Variants in RECQL observed in about 807,000 individuals in gnomAD.
The protein encoded by RECQL is RecQ like helicase.
In RECQL, 73 loss-of-function variants were observed where a neutral mutation model predicts 75.8. The ratio of observed to expected loss-of-function variants is 0.96; its 90% confidence interval spans 0.80 to 1.17. RECQL has a LOEUF of 1.17. Ranked by LOEUF, RECQL falls within the 50% of genes most tolerant of loss-of-function variation. The pLI is 0.00. For missense variants in RECQL, 699 were observed against 772.1 expected, an observed-to-expected ratio of 0.91 and a Z score of 1.12; for synonymous variants, 248 against 254.4, an observed-to-expected ratio of 0.97 and a Z score of 0.24.
At chr12:21,471,248 A>G in intron 13 of RECQL, 150 bp from the exon 14 acceptor site, 9 of 1,025,420 alleles carry the variant, frequency 8.8e-6, no homozygotes, top group Non-Finnish European at 1.2e-5. Flanking sequence ...CCTTTAAAGA[A>G]AATATTTTCG....
rs772368757 is a variant in RECQL, at chr12:21,491,469, A to T, written c.214+50T>A. Reference sequence around the variant, plus strand: ...CATCAAGAATTCATTCTAGTTTTTTAAAATATGAGAAGAAATAAAACTAGC... The same window carrying T: ...CATCAAGAATTCATTCTAGTTTTTTTAAATATGAGAAGAAATAAAACTAGC... On this transcript the variant is annotated intron_variant, in intron 3 of 14. Transcript: ENST00000444129. 19 of 1,508,944 alleles carry T rather than the reference A, an allele frequency of 1.3e-5. No homozygotes were observed. In the African/African-American group the frequency reaches 2.0e-4, roughly 16 times the overall value. The allele number at this position is 1,508,944 out of a possible 1,614,324, so 93.5% of individuals were successfully genotyped here.
intron 2 of RECQL, among the ~76,000 whole-genome samples, chr12:21,496,627 T>C (rs1165918782): frequency 1.3e-5 from 2 of 152,182 alleles, no homozygotes; most frequent in Non-Finnish European, 2.9e-5. Context: ...TGCCAGAGGA[T>C]AGAAGATAAA....
Position 21,490,278 on chromosome 12 carries a change from A to C in RECQL, c.315T>G (p.Ala105=), listed in dbSNP as rs1290859177. ...LQLETINVTM[A]GKEVFLVMPT... ...GCATAACAAGAAATACCTCCTTTCC[A>C]GCCATTGTTACGTTAATAGTTTCAA... Residue 105 remains alanine, a synonymous_variant, in exon 4 of 15, where the codon GCT becomes GCG. Coordinates refer to ENST00000444129, the MANE Select transcript of RECQL (RefSeq NM_002907.4). 14 of 1,612,878 alleles carry C rather than the reference A, an allele frequency of 8.7e-6. No individual in the cohort carries two copies. The East Asian group carries it at 2.7e-4, about 31-fold the overall frequency.
chr12:21,471,904 A>G (rs773155047), intron 12 of RECQL, among the ~76,000 whole-genome samples: 1 of 152,112 alleles, frequency 6.6e-6, no homozygotes, highest in Non-Finnish European at 1.5e-5. Flanking sequence ...AAGCCCTGCC[A>G]TATACTCTAG....
intron 7 of RECQL, among the ~76,000 whole-genome samples, chr12:21,477,584 G>A (rs1037409233): frequency 6.6e-6 from 1 of 152,148 alleles, no homozygotes; most frequent in Non-Finnish European, 1.5e-5. Context: ...TTTATAAAAA[G>A]TATCACCTAG....
intron 2 of RECQL, 111 bp downstream of exon 2, chr12:21,499,444 A>G: frequency 9.8e-7 from 1 of 1,024,382 alleles, no homozygotes; most frequent in African/African-American, 1.6e-5. Context: ...TCAATAAAAA[A>G]GCTGAAAAAA....
intron 6 of RECQL, among the ~76,000 whole-genome samples, chr12:21,480,067 A>G (rs1302116578): frequency 6.6e-6 from 1 of 152,204 alleles, no homozygotes; most frequent in Non-Finnish European, 1.5e-5. Flanking sequence ...CAAAGAGTAA[A>G]CCAATAAATA....
rs1943366015 is a variant in RECQL at position 21,489,376 on chromosome 12, CT to C, written c.394+822del. Among the ~76,000 whole-genome samples the C allele has an allele frequency of 3.1e-5, 4 of 128,882 alleles. No homozygotes were observed. The Admixed American group carries it at 3.1e-4, about 10-fold the overall frequency. 84.6% of individuals were successfully genotyped at this position (128,882 alleles called of 152,430 possible). A position where few individuals can be genotyped will look rare whatever the true frequency, so the allele number is the denominator to read the frequency against. ...CAAGAAAAAGCTTGCTGATCCCTTG[CT>C]ACTACCCAATCAGTAATATCAGTAG... On this transcript the variant is annotated intron_variant, in intron 4 of 14. Coordinates refer to ENST00000444129, the MANE Select transcript of RECQL (RefSeq NM_002907.4).
chr12:21,499,666 T>A lies in RECQL; in HGVS notation c.-45-51A>T, dbSNP rs1943569968. 11 of 931,932 alleles carry A rather than the reference T, an allele frequency of 1.2e-5. No individual in the cohort carries two copies. In the South Asian group the frequency reaches 1.6e-4, roughly 14 times the overall value. The allele number at this position is 931,932 out of a possible 1,614,324, so 57.7% of individuals were successfully genotyped here. A position where few individuals can be genotyped will look rare whatever the true frequency, so the allele number is the denominator to read the frequency against. On this transcript the variant is annotated intron_variant, in intron 1 of 14. Transcript: ENST00000444129. ...AACAAGTTTTTAAAAATAGTACTAT[T>A]AATGATGTTCACTCAACAGTAATCT...
At position 21,473,550 on chromosome 12, in the gene RECQL, C is replaced by CCACT; in HGVS notation, c.1444_1447dup (p.Ala483GlufsTer4). 7 of 1,610,376 alleles carry CCACT rather than the reference C, an allele frequency of 4.3e-6. No homozygotes were observed. The South Asian group carries it at 7.7e-5, about 18-fold the overall frequency. ...AAAGGTTTACAAAACAACAAACTCA[C>CCACT]CACTGTCTTTACAGCAGTTATCGCA... On this transcript the variant is annotated frameshift_variant and splice_region_variant. Coordinates refer to ENST00000444129, the MANE Select transcript of RECQL (RefSeq NM_002907.4). LOFTEE classifies it high-confidence loss of function.
At chr12:21,491,374 A>C in intron 3 of RECQL, 145 bp downstream of exon 3, 1 of 705,364 alleles carries the variant, frequency 1.4e-6, no homozygotes. Context: ...AGAATGATCC[A>C]CCTGCAAGTT....
intron 4 of RECQL, 26 bp from the exon 5 acceptor site, chr12:21,486,611 A>G: frequency 6.9e-7 from 1 of 1,455,476 alleles, no homozygotes; most frequent in Non-Finnish European, 9.3e-7. Context: ...AAAAAAATCT[A>G]CCTTAAACTT....
chr12:21,472,469 C>T (rs551836632), intron 12 of RECQL, among the ~76,000 whole-genome samples: 11 of 151,824 alleles, frequency 7.2e-5, no homozygotes, highest in Middle Eastern at 3.4e-3. Context: ...TGCTCACTAG[C>T]GGTATTTATA....
intron 2 of RECQL, among the ~76,000 whole-genome samples, chr12:21,496,259 AGCCAT>A (rs1383925653): frequency 1.3e-5 from 2 of 152,252 alleles, no homozygotes; most frequent in African/African-American, 4.8e-5. Context: ...CTCCAACAGC[AGCCAT>A]GGTTCCAGCT....
At chr12:21,500,366 C>T (rs866466942) in intron 1 of RECQL, among the ~76,000 whole-genome samples, 1 of 152,076 alleles carries the variant, frequency 6.6e-6, no homozygotes, top group Non-Finnish European at 1.5e-5. Context: ...TTTAAATTCC[C>T]CATAATCCTA....
At position 21,473,544 on chromosome 12, in the gene RECQL, AACTC is replaced by A. The variant is rs1235119051; in HGVS notation, c.1447+3_1447+6del. 5 of 1,609,184 alleles carry A rather than the reference AACTC, an allele frequency of 3.1e-6. No individual in the cohort carries two copies. Among genetic ancestry groups the A allele is most frequent in the Non-Finnish European group, 4.3e-6 (5 of 1,176,148 alleles). On this transcript the variant is annotated splice_donor_5th_base_variant and intron_variant, in intron 12 of 14. Transcript: ENST00000444129. ...GCCTATAAAGGTTTACAAAACAACA[AACTC>A]ACCACTGTCTTTACAGCAGTTATCG...
In RECQL at chr12:21,476,867, T is replaced by G. The variant is rs762227405; in HGVS notation, c.949+44A>C. ...ATCAATATGATATGAAGTCACTTTTTGAAAGTTATCTCTGTCTCCAAAGTT... is the reference window on the plus strand; with the variant it reads ...ATCAATATGATATGAAGTCACTTTTGGAAAGTTATCTCTGTCTCCAAAGTT... On this transcript the variant is annotated intron_variant, in intron 8 of 14. Transcript: ENST00000444129. 4.8e-5 allele frequency: 67 copies of G among 1,381,930 alleles called. 1 individual carries two copies. The South Asian group carries it at 7.6e-4, about 16-fold the overall frequency. The allele number at this position is 1,381,930 out of a possible 1,614,324, so 85.6% of individuals were successfully genotyped here. A position where few individuals can be genotyped will look rare whatever the true frequency, so the allele number is the denominator to read the frequency against.
At chr12:21,473,751 T>A (rs1943029947) in intron 11 of RECQL, 109 bp from the exon 12 acceptor site, 2 of 813,426 alleles carry the variant, frequency 2.5e-6, no homozygotes, top group Admixed American at 2.5e-5. Context: ...ATAACTGCCA[T>A]AATATTACCA....
In RECQL at chr12:21,469,254, C is replaced by A. The variant is rs1942866199; in HGVS notation, c.*940G>T. 1 of 155,876 alleles carries A rather than the reference C, an allele frequency of 6.4e-6. No homozygotes were observed. The allele number at this position is 155,876 out of a possible 1,614,324, so 9.7% of individuals were successfully genotyped here. On this transcript the variant is annotated 3_prime_UTR_variant, in exon 15 of 15. Coordinates refer to ENST00000444129, the MANE Select transcript of RECQL (RefSeq NM_002907.4). ...TGAATTGTACTTCTGGTTTTATAAC[C>A]TGAAATCATCTACAAGCTTGTCCAA...
Sources: gnomAD v4.1 joint callset for allele counts (sites outside exome capture counted in the v4.1 genomes callset) on GRCh38, gnomAD v4.1.1 for gene constraint, MANE v1.5 for transcripts, NCBI Gene and HGNC (gene_info 2026-07-23, HGNC 2026-07-21) for gene names.